The following CSN3 variants were observed in gnomAD, a reference collection of about 807,000 sequenced individuals.
The protein encoded by CSN3 is kappa-casein.
CSN3 carries 7 observed loss-of-function variants against 9.9 expected under a neutral mutation model. The observed-to-expected ratio is 0.71, with a 90% CI of 0.40 to 1.33. The LOEUF is 1.33. CSN3 is among the 40% of genes most tolerant of loss of function. CSN3 has a pLI of 0.01. For synonymous variants in CSN3, 88 were observed against 82.3 expected (o/e 1.07, Z -0.37); for missense variants, 253 against 227.9 (o/e 1.11, Z -0.71).
rs751635297 is a variant in CSN3 at position 70,249,116 on chromosome 4, T to C, written c.206T>C (p.Ile69Thr). The change falls in exon 4 of 5, where the codon ATA becomes ACA. Residue 69 changes from isoleucine to threonine, a missense_variant. By Grantham distance (89) the Ile-to-Thr change is moderately conservative (BLOSUM62 -1). Transcript: ENST00000304954. ...AATTTGTACCAACGTAGACCAGCTA[T>C]AGCAATTAATAATCCATATGTGCCT... 1 of 1,614,090 alleles carries C rather than the reference T, an allele frequency of 6.2e-7. No individual in the cohort carries two copies. The highest frequency in any genetic ancestry group is 8.5e-7 in the Non-Finnish European group (1 of 1,179,988).
chr4:70,238,869 A>T (rs1450835028), upstream of CSN3, among the ~76,000 whole-genome samples: 1 of 151,828 alleles, frequency 6.6e-6, no homozygotes, highest in Non-Finnish European at 1.5e-5. Context: ...TGTTTCCTAA[A>T]GGAGAAAAGA....
intron 2 of CSN3, among the ~76,000 whole-genome samples, chr4:70,246,949 G>A (rs1348791330): frequency 6.6e-6 from 1 of 151,946 alleles, no homozygotes; most frequent in Non-Finnish European, 1.5e-5. Flanking sequence ...TGGGATTACA[G>A]GGTGAGACAT....
chr4:70,248,360 T>C (rs1730419128), intron 3 of CSN3, among the ~76,000 whole-genome samples: 1 of 152,184 alleles, frequency 6.6e-6, no homozygotes, highest in Non-Finnish European at 1.5e-5. Flanking sequence ...AAAGGTCTAC[T>C]GACAAATTTT....
chr4:70,238,937 T>C (rs1168912454), upstream of CSN3, among the ~76,000 whole-genome samples: 1 of 151,820 alleles, frequency 6.6e-6, no homozygotes, highest in Non-Finnish European at 1.5e-5. Context: ...GATTCTGTTT[T>C]GTTCATGATA....
exon 4 of CSN3, chr4:70,249,427 A>G (rs1160871963): frequency 1.2e-6 from 2 of 1,613,822 alleles, no homozygotes; most frequent in Non-Finnish European, 1.7e-6. Flanking sequence ...CCCTGAGACA[A>G]CCACAGTTGC....
intron 1 of CSN3, among the ~76,000 whole-genome samples, chr4:70,243,878 C>G (rs1730321062): frequency 6.6e-6 from 1 of 152,032 alleles, no homozygotes; most frequent in Admixed American, 6.6e-5. Context: ...TTAAAACAAT[C>G]AAGTTAATCA....
At chr4:70,249,431 C>A (rs1396400837) in exon 4 of CSN3, 8 of 1,613,760 alleles carry the variant, frequency 5.0e-6, no homozygotes, top group Non-Finnish European at 6.8e-6. Flanking sequence ...GAGACAACCA[C>A]AGTTGCAGTT....
At chr4:70,249,639 A>G (rs1338816756) in intron 4 of CSN3, 146 bp downstream of exon 4, 2 of 594,976 alleles carry the variant, frequency 3.4e-6, no homozygotes, top group Non-Finnish European at 5.9e-6. Context: ...TTACCTTGGT[A>G]AACCCATAGC....
At chr4:70,247,672 T>C in intron 2 of CSN3, 146 bp from the exon 3 acceptor site, 1 of 652,266 alleles carries the variant, frequency 1.5e-6, no homozygotes, top group Non-Finnish European at 2.6e-6. Flanking sequence ...TCCATAGGCC[T>C]CATAGATCAC....
chr4:70,243,464 T>C (rs1474537383), intron 1 of CSN3, among the ~76,000 whole-genome samples: 1 of 152,066 alleles, frequency 6.6e-6, no homozygotes, highest in African/African-American at 2.4e-5. Flanking sequence ...TTTGATGACA[T>C]CGTATGGGCA....
At chr4:70,248,588 G>A (rs187400694) in intron 3 of CSN3, among the ~76,000 whole-genome samples, 1 of 152,174 alleles carries the variant, frequency 6.6e-6, no homozygotes, top group East Asian at 1.9e-4. Context: ...ATACATACGT[G>A]TGTGTGCGCC....
chr4:70,244,669 G>T, intron 1 of CSN3, 143 bp from the exon 2 acceptor site: 1 of 402,352 alleles, frequency 2.5e-6, no homozygotes, highest in Non-Finnish European at 4.2e-6. Flanking sequence ...ACATTCTTTT[G>T]TTAAAATAAA....
chr4:70,241,522 C>T (rs1055324562), upstream of CSN3, among the ~76,000 whole-genome samples: 3 of 151,992 alleles, frequency 2.0e-5, no homozygotes, highest in Non-Finnish European at 4.4e-5. Flanking sequence ...TCAATCTGGT[C>T]AGGTCTTCAC....
At chr4:70,247,518 T>A (rs1232583212) in intron 2 of CSN3, among the ~76,000 whole-genome samples, 1 of 152,098 alleles carries the variant, frequency 6.6e-6, no homozygotes, top group East Asian at 1.9e-4. Flanking sequence ...TATTTTTCAT[T>A]TAAGCATATT....
chr4:70,245,018 A>C (rs1204565602), intron 2 of CSN3, 145 bp downstream of exon 2: 1 of 390,552 alleles, frequency 2.6e-6, no homozygotes, highest in Non-Finnish European at 4.5e-6. Context: ...TAATTTTTTT[A>C]ATATTTATTT....
intron 1 of CSN3, 107 bp from the exon 2 acceptor site, chr4:70,244,705 G>T: frequency 2.0e-6 from 1 of 506,264 alleles, no homozygotes; most frequent in Non-Finnish European, 3.1e-6. Flanking sequence ...AAATCTACCT[G>T]TAAATCTGGC....
At chr4:70,244,865 C>T (rs374280097) in exon 2 of CSN3, 3 of 1,564,458 alleles carry the variant, frequency 1.9e-6, no homozygotes, top group Admixed American at 3.6e-5. Context: ...ATTAACCCTG[C>T]CTTTTTTGGT....
exon 4 of CSN3, chr4:70,249,454 G>T (rs763259161): frequency 4.3e-6 from 7 of 1,609,292 alleles, no homozygotes; most frequent in Non-Finnish European, 5.9e-6. Flanking sequence ...TCCACCTACG[G>T]CATAAAAACA....
At chr4:70,245,479 G>C (rs1405607833) in intron 2 of CSN3, among the ~76,000 whole-genome samples, 2 of 152,104 alleles carry the variant, frequency 1.3e-5, no homozygotes, top group South Asian at 2.1e-4. Flanking sequence ...GCATTATCTT[G>C]AATTATATGC....
Sources: gnomAD v4.1 joint callset for allele counts (sites outside exome capture counted in the v4.1 genomes callset) on GRCh38, gnomAD v4.1.1 for gene constraint, MANE v1.5 for transcripts, NCBI Gene and HGNC (gene_info 2026-07-23, HGNC 2026-07-21) for gene names.